UPP2: variants seen among roughly 807,000 people sequenced by gnomAD.
UPP2 encodes the protein UPase 2.
A neutral mutation model predicts 26.7 loss-of-function variants in UPP2; 23 were observed. The ratio of observed to expected loss-of-function variants is 0.86; its 90% CI spans 0.62 to 1.22. UPP2 has a LOEUF of 1.22. UPP2 is among the 50% of genes most tolerant of loss of function. UPP2 has a pLI of 0.00. For synonymous variants in UPP2, 127 were observed against 141.3 expected (o/e 0.90, Z 0.72); for missense variants, 387 against 396.7 (o/e 0.98, Z 0.21).
chr2:158,055,438 A>G (rs933669138), intron 3 of UPP2, among the ~76,000 whole-genome samples: 2 of 152,206 alleles, frequency 1.3e-5, no homozygotes, highest in Admixed American at 6.5e-5. Flanking sequence ...GGGACATTCA[A>G]ATCATAGCAG....
chr2:157,999,640 A>G (rs999928253), intron 2 of UPP2, among the ~76,000 whole-genome samples: 3 of 152,238 alleles, frequency 2.0e-5, no homozygotes, highest in African/African-American at 7.2e-5. Context: ...GATGAGTTAC[A>G]TATATGACAG....
At chr2:158,025,028 C>T (rs1320212389) in intron 3 of UPP2, among the ~76,000 whole-genome samples, 1 of 151,742 alleles carries the variant, frequency 6.6e-6, no homozygotes, top group Non-Finnish European at 1.5e-5. Context: ...ATGGTGAAAC[C>T]CCGTCTCTAC....
intron 3 of UPP2, 99 bp downstream of exon 3, chr2:158,115,358 T>C (rs962533321): frequency 7.2e-7 from 1 of 1,397,006 alleles, no homozygotes; most frequent in Non-Finnish European, 9.5e-7. Context: ...AGCTTCGCAT[T>C]CTTACACAAT....
intron 3 of UPP2, among the ~76,000 whole-genome samples, chr2:158,075,301 G>A (rs564351407): frequency 1.3e-5 from 2 of 152,064 alleles, no homozygotes; most frequent in South Asian, 2.1e-4. Flanking sequence ...TTAGGGAATA[G>A]TATAAATGTA....
At chr2:158,074,298 G>A (rs1314110085) in intron 3 of UPP2, among the ~76,000 whole-genome samples, 1 of 152,170 alleles carries the variant, frequency 6.6e-6, no homozygotes, top group Non-Finnish European at 1.5e-5. Context: ...TAATTGTGAT[G>A]TGTTTACTAT....
chr2:158,072,390 G>C (rs1682557355), intron 3 of UPP2, among the ~76,000 whole-genome samples: 1 of 152,172 alleles, frequency 6.6e-6, no homozygotes, highest in Non-Finnish European at 1.5e-5. Context: ...TACCTGCCAA[G>C]GGTCTGGGGA....
chr2:158,134,625 TACA>T lies in UPP2; in HGVS notation c.812-109_812-107del, dbSNP rs776288172. 2.7e-4 allele frequency: 332 copies of T among 1,244,262 alleles called. 1 individual carries two copies. The highest frequency in any genetic ancestry group is 1.8e-3 in the Middle Eastern group (9 of 4,928). The allele number at this position is 1,244,262 out of a possible 1,614,324, so 77.1% of individuals were successfully genotyped here. A position where few individuals can be genotyped will look rare whatever the true frequency, so the allele number is the denominator to read the frequency against. ...AAGGTTCAGTAGGTTGCATCTACAT[TACA>T]ACAACAACAACAAAAATACACAAAA... is the stretch of plus-strand genomic sequence containing the variant. On this transcript the variant is annotated intron_variant, in intron 6 of 6. Transcript: ENST00000005756.
chr2:158,046,476 G>C (rs1012930962), intron 3 of UPP2, among the ~76,000 whole-genome samples: 2 of 152,172 alleles, frequency 1.3e-5, no homozygotes, highest in Non-Finnish European at 2.9e-5. Flanking sequence ...TCTGTGCCAG[G>C]TTGTATGGAT....
At position 158,106,521 on chromosome 2, in the gene UPP2, G is replaced by A. The variant is rs561575642; in HGVS notation, c.180+305G>A. On this transcript the variant is annotated intron_variant, in intron 2 of 6. Coordinates refer to ENST00000005756, the MANE Select transcript of UPP2 (RefSeq NM_173355.4). ...GTTGAGAATTCATTATGTTTTAACA[G>A]ATTCAGCTCACTATTTAGCATCTAC... 3.3e-5 allele frequency among the ~76,000 whole-genome samples: 5 copies of A among 152,220 alleles called. No homozygotes were observed. In the South Asian group the frequency reaches 8.3e-4, roughly 25 times the overall value.
At chr2:158,050,838 A>C (rs893032867) in intron 3 of UPP2, among the ~76,000 whole-genome samples, 1 of 152,244 alleles carries the variant, frequency 6.6e-6, no homozygotes, top group Non-Finnish European at 1.5e-5. Context: ...GTTAGGAAGG[A>C]TGAAAAAGAC....
intron 4 of UPP2, among the ~76,000 whole-genome samples, chr2:158,119,823 A>G (rs1683521220): frequency 6.6e-6 from 1 of 151,764 alleles, no homozygotes; most frequent in South Asian, 2.1e-4. Flanking sequence ...CAGCCTGGCC[A>G]ATGTGGTGAA....
intron 3 of UPP2, among the ~76,000 whole-genome samples, chr2:158,057,136 G>A (rs114269798): frequency 0.038 from 5,758 of 152,254 alleles, 348 homozygotes; most frequent in African/African-American, 0.13. Context: ...AGGGTACACA[G>A]TGTCAACAAG....
rs753503841 is a variant in UPP2, at chr2:158,050,084, A to G, written c.147+34198A>G. Reference sequence around the variant, plus strand: ...TTTTGTTAGTTCTCAAAATATTAAGAGTCATAGGCAACAACAGAAAGTGGA... The same window carrying G: ...TTTTGTTAGTTCTCAAAATATTAAGGGTCATAGGCAACAACAGAAAGTGGA... On this transcript the variant is annotated intron_variant, in intron 3 of 9. Coordinates refer to the UPP2 transcript ENST00000605860. Among the ~76,000 whole-genome samples, 49 of 152,192 alleles carry G rather than the reference A, an allele frequency of 3.2e-4. 1 individual carries two copies. The highest frequency in any genetic ancestry group is 6.3e-4 in the Non-Finnish European group (43 of 68,026).
intron 3 of UPP2, among the ~76,000 whole-genome samples, chr2:158,021,263 A>G (rs942096943): frequency 6.6e-6 from 1 of 152,242 alleles, no homozygotes; most frequent in Non-Finnish European, 1.5e-5. Flanking sequence ...TTTAAAAGAA[A>G]TGTTCTGACT....
intron 3 of UPP2, among the ~76,000 whole-genome samples, chr2:158,021,377 C>A (rs996118696): frequency 6.6e-6 from 1 of 152,160 alleles, no homozygotes; most frequent in Non-Finnish European, 1.5e-5. Context: ...TTTTAAGATT[C>A]CAGGAGACTC....
At chr2:158,104,636 G>A (rs758963595) in intron 1 of UPP2, among the ~76,000 whole-genome samples, 25 of 152,010 alleles carry the variant, frequency 1.6e-4, no homozygotes, top group Admixed American at 5.9e-4. Flanking sequence ...AAGCCATGTG[G>A]AAAGGCTAGG....
chr2:158,112,303 C>T (rs1683336250), intron 2 of UPP2, among the ~76,000 whole-genome samples: 1 of 152,078 alleles, frequency 6.6e-6, no homozygotes, highest in Non-Finnish European at 1.5e-5. Context: ...AATAAACTCT[C>T]ACCTTTATGT....
upstream of UPP2, among the ~76,000 whole-genome samples, chr2:158,099,442 A>T (rs1004787101): frequency 1.3e-5 from 2 of 152,026 alleles, no homozygotes; most frequent in Non-Finnish European, 2.9e-5. Context: ...GAAGGAGGAG[A>T]TGTGAGGACT....
intron 2 of UPP2, among the ~76,000 whole-genome samples, chr2:158,109,874 T>C (rs914143685): frequency 2.0e-5 from 3 of 152,166 alleles, no homozygotes; most frequent in East Asian, 1.9e-4. Flanking sequence ...CAAAGCAGGA[T>C]ATACATTTCC....
Sources: allele counts gnomAD v4.1 joint callset (sites outside exome capture counted in the v4.1 genomes callset), GRCh38; gene constraint gnomAD v4.1.1; transcripts MANE v1.5; gene names NCBI Gene and HGNC (gene_info 2026-07-23, HGNC 2026-07-21).